TMEM132D: variants seen among roughly 807,000 people sequenced by gnomAD.
TMEM132D encodes the protein mature OL transmembrane protein.
A neutral mutation model predicts 62.3 loss-of-function variants in TMEM132D; 21 were observed. That is an observed-to-expected ratio of 0.34 (90% CI 0.24 to 0.49). TMEM132D has a LOEUF of 0.49. TMEM132D is among the 20% of genes least tolerant of loss of function. The pLI is 0.99. For synonymous variants in TMEM132D, 621 were observed against 575.6 expected (o/e 1.08, Z -1.13); for missense variants, 1,346 against 1,402.8 (o/e 0.96, Z 0.65).
rs78136946 is a variant in TMEM132D at position 129,730,381 on chromosome 12, C to G, written c.80-29683G>C. Among the ~76,000 whole-genome samples the G allele has an allele frequency of 8.5e-5, 13 of 152,244 alleles. No homozygotes were observed. In the East Asian group the frequency reaches 2.1e-3, roughly 25 times the overall value. On this transcript the variant is annotated intron_variant, in intron 1 of 8. Coordinates refer to ENST00000422113, the MANE Select transcript of TMEM132D (RefSeq NM_133448.3). Reference sequence around the variant, plus strand: ...AATTATGCATTTACAAATCCCCACTCCAGGGGTATGCTCCCTGAGGGTGGA... The same window carrying G: ...AATTATGCATTTACAAATCCCCACTGCAGGGGTATGCTCCCTGAGGGTGGA...
chr12:129,788,220 G>C (rs1871295798), intron 1 of TMEM132D, among the ~76,000 whole-genome samples: 1 of 152,200 alleles, frequency 6.6e-6, no homozygotes, highest in African/African-American at 2.4e-5. Context: ...TCCTGGAATT[G>C]GACTTTCCTG....
chr12:129,182,802 T>A (rs1878105177), intron 5 of TMEM132D, among the ~76,000 whole-genome samples: 2 of 152,214 alleles, frequency 1.3e-5, no homozygotes, highest in South Asian at 4.1e-4. Context: ...CAGTTGTTTA[T>A]CTGCTGTGGA....
At chr12:129,206,462 G>A (rs1388638897) in intron 5 of TMEM132D, among the ~76,000 whole-genome samples, 2 of 152,166 alleles carry the variant, frequency 1.3e-5, no homozygotes, top group Non-Finnish European at 2.9e-5. Flanking sequence ...GCAGATGCTG[G>A]TGAGGTTGTG....
chr12:129,126,684 T>G (rs1876223882), intron 5 of TMEM132D, among the ~76,000 whole-genome samples: 1 of 152,166 alleles, frequency 6.6e-6, no homozygotes. Flanking sequence ...GAATTAGCAT[T>G]CCTTAAATTA....
Position 129,433,728 on chromosome 12 carries a change from C to T in TMEM132D, c.1116-95911G>A, listed in dbSNP as rs113751014. Reference sequence around the variant, plus strand: ...TGGGTCTCCAAGAGCAAGGCCAGAGCGTGGCTGCCAGGAGGTGCTAAGGGA... The same window carrying T: ...TGGGTCTCCAAGAGCAAGGCCAGAGTGTGGCTGCCAGGAGGTGCTAAGGGA... On this transcript the variant is annotated intron_variant, in intron 3 of 8. Coordinates refer to ENST00000422113, the MANE Select transcript of TMEM132D (RefSeq NM_133448.3). 3.9e-5 allele frequency among the ~76,000 whole-genome samples: 6 copies of T among 152,202 alleles called. 1 individual carries two copies. Among genetic ancestry groups the T allele is most frequent in the African/African-American group, 1.2e-4 (5 of 41,554 alleles).
intron 5 of TMEM132D, among the ~76,000 whole-genome samples, chr12:129,144,686 C>CATCTGTCTATCT (rs1555232587): frequency 1.3e-5 from 2 of 151,312 alleles, no homozygotes; most frequent in Non-Finnish European, 2.9e-5. Context: ...GCTTATCTAT[C>CATCTGTCTATCT]ATCTATCTAT....
intron 1 of TMEM132D, among the ~76,000 whole-genome samples, chr12:129,702,721 C>T (rs557365227): frequency 1.1e-4 from 16 of 152,310 alleles, no homozygotes; most frequent in South Asian, 4.1e-4. Context: ...AGAAATGACA[C>T]GCAAGGCTTT....
At chr12:129,727,195 C>T (rs1354830097) in intron 1 of TMEM132D, among the ~76,000 whole-genome samples, 2 of 152,150 alleles carry the variant, frequency 1.3e-5, no homozygotes, top group Non-Finnish European at 2.9e-5. Context: ...TAATAGAATA[C>T]CATACACTGG....
intron 2 of TMEM132D, among the ~76,000 whole-genome samples, chr12:129,649,713 T>G (rs953893382): frequency 1.3e-5 from 2 of 152,032 alleles, no homozygotes; most frequent in African/African-American, 4.8e-5. Flanking sequence ...TATATATACA[T>G]GCATAATCCA....
chr12:129,238,352 G>C (rs1228980975), intron 4 of TMEM132D, among the ~76,000 whole-genome samples: 2 of 152,118 alleles, frequency 1.3e-5, no homozygotes, highest in Admixed American at 6.5e-5. Context: ...TAATATAAAA[G>C]TTTCCAATTT....
chr12:129,285,557 C>T (rs10773629), intron 4 of TMEM132D, among the ~76,000 whole-genome samples: 51,428 of 130,002 alleles, frequency 0.4, 10,634 homozygotes, highest in East Asian at 0.52. Flanking sequence ...GAGAGAGAGG[C>T]TCCCATTATC....
At chr12:129,138,810 A>G (rs914601331) in intron 5 of TMEM132D, among the ~76,000 whole-genome samples, 1 of 152,336 alleles carries the variant, frequency 6.6e-6, no homozygotes, top group Non-Finnish European at 1.5e-5. Context: ...ATTTCCTCAC[A>G]TTGCCATCAT....
intron 1 of TMEM132D, among the ~76,000 whole-genome samples, chr12:129,854,229 C>A (rs532607596): frequency 1.3e-5 from 2 of 152,306 alleles, no homozygotes; most frequent in Admixed American, 6.5e-5. Flanking sequence ...ACTGAACTTT[C>A]ACTATGTCCC....
At chr12:129,749,623 A>ATTT (rs11404674) in intron 1 of TMEM132D, among the ~76,000 whole-genome samples, 38 of 149,982 alleles carry the variant, frequency 2.5e-4, no homozygotes, top group South Asian at 4.2e-4. Context: ...TGCCCCACTA[A>ATTT]TTTTTTTTTG....
At chr12:129,102,574 TATAG>T (rs1346027627) in intron 5 of TMEM132D, among the ~76,000 whole-genome samples, 4 of 151,866 alleles carry the variant, frequency 2.6e-5, no homozygotes, top group Admixed American at 1.3e-4. Context: ...TGGATAAAAA[TATAG>T]ATAAAGAGGA....
At chr12:129,676,308 T>C (rs1880629884) in intron 2 of TMEM132D, among the ~76,000 whole-genome samples, 1 of 152,234 alleles carries the variant, frequency 6.6e-6, no homozygotes, top group Non-Finnish European at 1.5e-5. Flanking sequence ...TCTATCTATC[T>C]AATCTATCAT....
intron 1 of TMEM132D, among the ~76,000 whole-genome samples, chr12:129,855,245 G>A (rs71466429): frequency 1.0e-4 from 9 of 86,986 alleles, no homozygotes; most frequent in Non-Finnish European, 1.9e-4. Context: ...AACAGAGTCC[G>A]GGGGAACGGG....
intron 3 of TMEM132D, among the ~76,000 whole-genome samples, chr12:129,518,836 A>G (rs1436349608): frequency 1.3e-5 from 2 of 152,174 alleles, no homozygotes; most frequent in African/African-American, 4.8e-5. Context: ...CAATGTGAAC[A>G]CCGTGCTTAG....
intron 3 of TMEM132D, among the ~76,000 whole-genome samples, chr12:129,389,098 G>A (rs61408168): frequency 0.053 from 3,494 of 66,256 alleles, 123 homozygotes; most frequent in Admixed American, 0.082. Flanking sequence ...TGCTAACACC[G>A]ACACCAATCC....
Sources: gnomAD v4.1 joint callset for allele counts (sites outside exome capture counted in the v4.1 genomes callset) on GRCh38, gnomAD v4.1.1 for gene constraint, MANE v1.5 for transcripts, NCBI Gene and HGNC (gene_info 2026-07-23, HGNC 2026-07-21) for gene names.